LRP1B: variants seen among roughly 807,000 people sequenced by gnomAD.
LRP1B encodes the protein low-density lipoprotein receptor-related protein 1B.
Under a neutral mutation model 556.6 loss-of-function variants are expected in LRP1B, and 217 were observed. That is an observed-to-expected ratio of 0.39 (90% CI 0.35 to 0.44). The LOEUF (loss-of-function observed/expected upper bound fraction) is 0.44, where lower values mean the gene tolerates loss of function less well. Among genes scored for constraint, LRP1B ranks in the 20% least tolerant of loss-of-function variants. The pLI is 1.00. For synonymous variants in LRP1B, 2,047 were observed against 1,865.8 expected (o/e 1.10, Z -2.50); for missense variants, 5,053 against 5,620.8 (o/e 0.90, Z 3.23).
intron 1 of LRP1B, among the ~76,000 whole-genome samples, chr2:142,116,772 T>C (rs1574705157): frequency 6.6e-6 from 1 of 152,270 alleles, no homozygotes; most frequent in East Asian, 1.9e-4. Context: ...CGTCAAATAA[T>C]GAGTTTGGAT....
chr2:140,358,945 G>T lies in LRP1B; in HGVS notation c.11133C>A (p.Val3711=). Reference sequence around the variant, plus strand: ...GTCTCGTGGATGGACAAAGAAATTTGACTGAAGAAAAAGAAGAAAAAACAA... The same window carrying T: ...GTCTCGTGGATGGACAAAGAAATTTTACTGAAGAAAAAGAAGAAAAAACAA... ...DNSDEAPDMC[V]KFLCPSTRPH... Residue 3711 remains valine (V), a splice_region_variant and synonymous_variant, in exon 73 of 91, where the codon GTC becomes GTA. Transcript: ENST00000389484. 1.9e-6 allele frequency: 3 copies of T among 1,605,752 alleles called. No homozygotes were observed. Among genetic ancestry groups the T allele is most frequent in the South Asian group, 2.2e-5 (2 of 90,632 alleles).
chr2:141,628,354 T>C (rs1236377428), intron 2 of LRP1B, among the ~76,000 whole-genome samples: 1 of 152,162 alleles, frequency 6.6e-6, no homozygotes, highest in Non-Finnish European at 1.5e-5. Flanking sequence ...TAGTCTTCTT[T>C]TCCTAAGTTT....
At position 140,316,728 on chromosome 2, in the gene LRP1B, GA is replaced by G. The variant is rs760879351; in HGVS notation, c.12641-1630del. ...TCAGGTTTGTATGACTAGTAAATAA[GA>G]AATGGGAAAAAAAATATAAAATATA... On this transcript the variant is annotated intron_variant, in intron 82 of 90. Transcript: ENST00000389484. 2.3e-4 allele frequency among the ~76,000 whole-genome samples: 34 copies of G among 150,974 alleles called. 1 individual carries two copies. The highest frequency in any genetic ancestry group is 9.9e-4 in the Admixed American group (15 of 15,214).
chr2:140,942,132 G>A lies in LRP1B; in HGVS notation c.3136+8103C>T, dbSNP rs574803813. ...TTATAAATTGAAAAATGTATGACAG[G>A]AATTTCAAAATATAATTGGAAGCCT... is the stretch of plus-strand genomic sequence containing the variant. On this transcript the variant is annotated intron_variant, in intron 20 of 90. Coordinates refer to ENST00000389484, the MANE Select transcript of LRP1B (RefSeq NM_018557.3). Among the ~76,000 whole-genome samples the A allele has an allele frequency of 3.3e-5, 5 of 152,184 alleles. No homozygotes were observed. In the South Asian group the frequency reaches 1.0e-3, roughly 32 times the overall value.
chr2:141,273,600 G>A (rs1176257041), intron 3 of LRP1B, among the ~76,000 whole-genome samples: 2 of 152,134 alleles, frequency 1.3e-5, no homozygotes, highest in Non-Finnish European at 2.9e-5. Context: ...GCTGGCCTCA[G>A]TAAAAGAGTT....
chr2:140,241,996 G>T (rs1680969406), intron 87 of LRP1B, among the ~76,000 whole-genome samples: 2 of 150,634 alleles, frequency 1.3e-5, no homozygotes, highest in African/African-American at 4.9e-5. Flanking sequence ...TTGCAACATG[G>T]TTCTGAAACC....
At chr2:140,236,233 C>T (rs1049162128) in intron 89 of LRP1B, among the ~76,000 whole-genome samples, 6 of 150,846 alleles carry the variant, frequency 4.0e-5, no homozygotes, top group Non-Finnish European at 7.4e-5. Context: ...CAGAACTAGA[C>T]TGAATATGTG....
intron 3 of LRP1B, among the ~76,000 whole-genome samples, chr2:141,407,014 C>CCT (rs1284187897): frequency 2.0e-5 from 3 of 152,056 alleles, no homozygotes; most frequent in Non-Finnish European, 2.9e-5. Flanking sequence ...AGGATCACAT[C>CCT]TACAATATTT....
At position 140,623,973 on chromosome 2, in the gene LRP1B, T is replaced by C. The variant is rs933608849; in HGVS notation, c.6800-22334A>G. On this transcript the variant is annotated intron_variant, in intron 41 of 90. Transcript: ENST00000389484. ...TTATTTATGTATATATATATATATA[T>C]AGCTTAGTTGTTTTAAAATCACTGT... Among the ~76,000 whole-genome samples the C allele has an allele frequency of 1.2e-4, 17 of 142,260 alleles. 1 individual carries two copies. The highest frequency in any genetic ancestry group is 2.2e-4 in the Non-Finnish European group (14 of 65,026). The allele number at this position is 142,260 out of a possible 152,430, so 93.3% of individuals were successfully genotyped here.
At chr2:141,562,906 A>T (rs926618822) in intron 2 of LRP1B, among the ~76,000 whole-genome samples, 12 of 152,006 alleles carry the variant, frequency 7.9e-5, no homozygotes, top group Admixed American at 2.6e-4. Flanking sequence ...ACCCTGGAAT[A>T]TTAGAGAATT....
intron 41 of LRP1B, among the ~76,000 whole-genome samples, chr2:140,620,456 C>A (rs978919265): frequency 6.6e-6 from 1 of 152,174 alleles, no homozygotes; most frequent in Non-Finnish European, 1.5e-5. Flanking sequence ...TTACATTTAT[C>A]CTCTTCGCCT....
chr2:141,734,713 G>C (rs1230743304), intron 2 of LRP1B, among the ~76,000 whole-genome samples: 1 of 152,094 alleles, frequency 6.6e-6, no homozygotes, highest in African/African-American at 2.4e-5. Flanking sequence ...GAATGCTCCT[G>C]AGAGCACTTT....
At chr2:141,739,446 A>C (rs1193181965) in intron 2 of LRP1B, among the ~76,000 whole-genome samples, 1 of 152,108 alleles carries the variant, frequency 6.6e-6, no homozygotes, top group Non-Finnish European at 1.5e-5. Flanking sequence ...GAACACCTGG[A>C]TATTGTTTTG....
intron 67 of LRP1B, among the ~76,000 whole-genome samples, chr2:140,379,434 G>T (rs140820661): frequency 9.2e-5 from 14 of 152,104 alleles, no homozygotes; most frequent in African/African-American, 3.1e-4. Flanking sequence ...GGTGGCTCAC[G>T]CCTGTAATCT....
At chr2:141,400,586 C>T (rs1690414211) in intron 3 of LRP1B, among the ~76,000 whole-genome samples, 1 of 152,164 alleles carries the variant, frequency 6.6e-6, no homozygotes, top group Admixed American at 6.5e-5. Context: ...CAACTATTAG[C>T]TCTAAATACT....
In LRP1B at chr2:142,086,188, A is replaced by C. The variant is rs149141310; in HGVS notation, c.82+44460T>G. Among the ~76,000 whole-genome samples, 59 of 152,288 alleles carry C rather than the reference A, an allele frequency of 3.9e-4. 1 individual carries two copies. In the East Asian group the frequency reaches 0.011, roughly 27 times the overall value. ...GTGCGAAAATGTGTTGCTATTAGTC[A>C]ACCTTTTCACATAACATATCTCAAA... is the stretch of plus-strand genomic sequence containing the variant. On this transcript the variant is annotated intron_variant, in intron 1 of 90. Transcript: ENST00000389484.
At chr2:141,479,108 G>T (rs1239712674) in intron 3 of LRP1B, among the ~76,000 whole-genome samples, 1 of 152,132 alleles carries the variant, frequency 6.6e-6, no homozygotes, top group Non-Finnish European at 1.5e-5. Flanking sequence ...AGAGGGAAAA[G>T]ACCTAGTGAC....
At position 140,302,083 on chromosome 2, in the gene LRP1B, C is replaced by T. The variant is rs957146219; in HGVS notation, c.12806-4114G>A. Among the ~76,000 whole-genome samples, 53 of 152,028 alleles carry T rather than the reference C, an allele frequency of 3.5e-4. 1 individual carries two copies. Among genetic ancestry groups the T allele is most frequent in the Admixed American group, 2.3e-3 (35 of 15,238 alleles). On this transcript the variant is annotated intron_variant, in intron 83 of 90. Transcript: ENST00000389484. ...TGGAAGATCTTTCTCCAGTGGCTTC[C>T]GAAACACTAGCTTTATTGATTTCTC...
At chr2:141,119,819 G>A (rs1701000921) in intron 7 of LRP1B, among the ~76,000 whole-genome samples, 1 of 151,688 alleles carries the variant, frequency 6.6e-6, no homozygotes, top group African/African-American at 2.4e-5. Flanking sequence ...TCACAGAGCA[G>A]GGGATAAAGA....
Sources: gnomAD v4.1 joint callset for allele counts (sites outside exome capture counted in the v4.1 genomes callset) on GRCh38, gnomAD v4.1.1 for gene constraint, MANE v1.5 for transcripts, NCBI Gene and HGNC (gene_info 2026-07-23, HGNC 2026-07-21) for gene names.